The following HS2ST1 variants were observed in gnomAD, a reference collection of about 807,000 sequenced individuals.
HS2ST1 encodes the protein 2-O-sulfotransferase.
HS2ST1 carries 18 observed loss-of-function variants against 42.9 expected under a neutral mutation model. The observed-to-expected ratio is 0.42, with a 90% CI of 0.29 to 0.62. The LOEUF (loss-of-function observed/expected upper bound fraction) is 0.62. HS2ST1 is among the 20% of genes least tolerant of loss of function. The pLI is 0.21. For missense variants in HS2ST1, 334 were observed against 433.8 expected, an observed-to-expected ratio of 0.77 and a Z score of 2.04; for synonymous variants, 146 against 152.9, an observed-to-expected ratio of 0.95 and a Z score of 0.33.
At chr1:87,001,832 C>T (rs1053385261) in intron 1 of HS2ST1, among the ~76,000 whole-genome samples, 1 of 152,112 alleles carries the variant, frequency 6.6e-6, no homozygotes, top group Non-Finnish European at 1.5e-5. Flanking sequence ...AGGCTGGTCT[C>T]AAACTCCTGA....
rs1553134337 is a variant in HS2ST1 at position 86,976,704 on chromosome 1, G to GTGTATATATATA, written c.124+61545_124+61546insGTATATATATAT. Among the ~76,000 whole-genome samples, 14 of 79,710 alleles carry GTGTATATATATA rather than the reference G, an allele frequency of 1.8e-4. No homozygotes were observed. In the South Asian group the frequency reaches 3.0e-3, roughly 17 times the overall value. The allele number at this position is 79,710 out of a possible 152,430, so 52.3% of individuals were successfully genotyped here. A position where few individuals can be genotyped will look rare whatever the true frequency, so the allele number is the denominator to read the frequency against. ...AAATCCATCTTTTCTTTATAAAATT[G>GTGTATATATATA]TATATATATATATATATTTTAAATG... On this transcript the variant is annotated intron_variant, in intron 1 of 6. Transcript: ENST00000370550.
At chr1:87,104,419 G>A (rs757238695) in intron 6 of HS2ST1, 51 bp from the exon 7 acceptor site, 26 of 1,156,394 alleles carry the variant, frequency 2.2e-5, no homozygotes, top group African/African-American at 4.6e-5. Context: ...GATCTTTTGT[G>A]TGTTCTCCAA....
At chr1:87,010,278 T>C (rs976011696) in intron 1 of HS2ST1, among the ~76,000 whole-genome samples, 1 of 152,084 alleles carries the variant, frequency 6.6e-6, no homozygotes, top group African/African-American at 2.4e-5. Flanking sequence ...CCCTACTGTT[T>C]ATGGCAGAGA....
At chr1:87,098,428 A>T in intron 5 of HS2ST1, 1 of 663,692 alleles carries the variant, frequency 1.5e-6, no homozygotes, top group Non-Finnish European at 1.9e-6. Flanking sequence ...CTTTAATAAG[A>T]ACTGTATTTC....
intron 1 of HS2ST1, among the ~76,000 whole-genome samples, chr1:86,956,956 A>C (rs1472476925): frequency 6.6e-6 from 1 of 152,198 alleles, no homozygotes; most frequent in African/African-American, 2.4e-5. Context: ...ACATTATATA[A>C]CATTGAAATC....
At chr1:87,103,398 C>T (rs374689872) in intron 5 of HS2ST1, 34 bp from the exon 6 acceptor site, 24 of 1,558,882 alleles carry the variant, frequency 1.5e-5, no homozygotes, top group Non-Finnish European at 5.2e-6. Flanking sequence ...GCAGATTTCA[C>T]AACCAGGTTT....
intron 1 of HS2ST1, among the ~76,000 whole-genome samples, chr1:86,921,381 C>G (rs1660293403): frequency 6.6e-6 from 1 of 152,064 alleles, no homozygotes; most frequent in African/African-American, 2.4e-5. Context: ...ATGGACCAAC[C>G]CTTTTTTTTA....
In HS2ST1 at chr1:86,915,112, T is replaced by C. The variant is rs1420577364; in HGVS notation, c.76T>C (p.Phe26Leu). The C allele has an allele frequency of 6.2e-7, 1 of 1,614,138 alleles. No individual in the cohort carries two copies. Among genetic ancestry groups the C allele is most frequent in the East Asian group, 2.2e-5 (1 of 44,860 alleles). The change falls in exon 1 of 7, where the codon TTC becomes CTC. Residue 26 changes from phenylalanine (F) to leucine (L), a missense_variant. Physicochemically the swap from Phe to Leu is conservative, Grantham distance 22 (BLOSUM62 0). Transcript: ENST00000370550. The stretch of plus-strand genomic sequence containing the variant: ...GGTGGCCTTCGCGGTGGCGATGCTC[T>C]TCTTGGAAAACCAGATCCAGAAACT... ...AVVAFAVAML[F>L]LENQIQKLEE...
intron 1 of HS2ST1, among the ~76,000 whole-genome samples, chr1:86,985,291 C>G (rs1227451573): frequency 6.9e-6 from 1 of 145,846 alleles, no homozygotes; most frequent in African/African-American, 2.5e-5. Flanking sequence ...GGAGGTGGAG[C>G]TTGCAGTGAG....
chr1:87,050,986 ACCTTCACTTTTAACATTAT>A (rs979851281), intron 1 of HS2ST1, among the ~76,000 whole-genome samples: 94 of 152,084 alleles, frequency 6.2e-4, no homozygotes, highest in African/African-American at 2.2e-3. Context: ...ATCACCTCAA[ACCTTCACTTTTAACATTAT>A]CCTTCACTTC....
chr1:86,982,628 C>T (rs892066543), intron 1 of HS2ST1, among the ~76,000 whole-genome samples: 5 of 152,136 alleles, frequency 3.3e-5, no homozygotes, highest in Admixed American at 2.0e-4. Flanking sequence ...CATTCTCCTG[C>T]CTCAGCCTCC....
chr1:86,956,505 A>T (rs1198129341), intron 1 of HS2ST1: 2 of 152,266 alleles, frequency 1.3e-5, no homozygotes, highest in Non-Finnish European at 2.9e-5. Flanking sequence ...GAAAAATAAC[A>T]GTACTGCTCC....
chr1:86,956,454 T>G (rs747938786), intron 1 of HS2ST1: 1 of 152,228 alleles, frequency 6.6e-6, no homozygotes, highest in African/African-American at 2.4e-5. Context: ...GCTGGAAAGA[T>G]AGCTTAAAAC....
chr1:87,101,156 G>GTTTT (rs1162453464), intron 5 of HS2ST1, among the ~76,000 whole-genome samples: 2 of 91,148 alleles, frequency 2.2e-5, no homozygotes, highest in African/African-American at 9.0e-5. Flanking sequence ...TGTGTTTTTT[G>GTTTT]TTTTTTTTTT....
chr1:86,996,833 G>A (rs554211280), intron 1 of HS2ST1, among the ~76,000 whole-genome samples: 20 of 152,282 alleles, frequency 1.3e-4, no homozygotes, highest in African/African-American at 4.6e-4. Flanking sequence ...CAGCATAGCA[G>A]ATTTGAAAAG....
chr1:86,948,304 G>A lies in HS2ST1; in HGVS notation c.124+33144G>A, dbSNP rs114696482. ...TTACGTTTATTTGTATAGAGACTAGGTCTTGCTATGTTGCTGAAGCAGGAC... is the reference window on the plus strand; with the variant it reads ...TTACGTTTATTTGTATAGAGACTAGATCTTGCTATGTTGCTGAAGCAGGAC... On this transcript the variant is annotated intron_variant, in intron 1 of 6. Transcript: ENST00000370550. Among the ~76,000 whole-genome samples the A allele has an allele frequency of 6.3e-3, 963 of 152,242 alleles. 5 individuals are homozygous for A. Among genetic ancestry groups the A allele is most frequent in the Middle Eastern group, 0.017 (5 of 292 alleles).
chr1:87,012,733 C>T (rs1398657613), intron 1 of HS2ST1, among the ~76,000 whole-genome samples: 1 of 152,170 alleles, frequency 6.6e-6, no homozygotes, highest in Non-Finnish European at 1.5e-5. Flanking sequence ...GTCCCCTCTG[C>T]CTATGAGCCT....
At chr1:87,024,939 A>G (rs895540874) in intron 1 of HS2ST1, among the ~76,000 whole-genome samples, 1 of 152,204 alleles carries the variant, frequency 6.6e-6, no homozygotes, top group Non-Finnish European at 1.5e-5. Flanking sequence ...AATCATGCTT[A>G]ATGTATGTTT....
intron 1 of HS2ST1, chr1:87,044,796 T>C: frequency 1.9e-6 from 1 of 539,250 alleles, no homozygotes; most frequent in Non-Finnish European, 3.3e-6. Context: ...AATGAATGCT[T>C]TCAGAGGGAG....
Sources: gnomAD v4.1 joint callset for allele counts (sites outside exome capture counted in the v4.1 genomes callset) on GRCh38, gnomAD v4.1.1 for gene constraint, MANE v1.5 for transcripts, NCBI Gene and HGNC (gene_info 2026-07-23, HGNC 2026-07-21) for gene names.